Variants in MAGI3 observed in about 807,000 individuals in gnomAD.
MAGI3 encodes the protein membrane associated guanylate kinase, WW and PDZ domain containing 3.
In MAGI3, 43 loss-of-function variants were observed where a neutral mutation model predicts 121.8. The observed-to-expected ratio is 0.35, with a 90% CI of 0.28 to 0.46. The LOEUF (loss-of-function observed/expected upper bound fraction) is 0.46. Ranked by LOEUF, MAGI3 falls within the 20% of genes least tolerant of loss-of-function variation. MAGI3 has a pLI of 1.00. For synonymous variants in MAGI3, 553 were observed against 639.3 expected, an observed-to-expected ratio of 0.86 and a Z score of 2.04; for missense variants, 1,547 against 1,797.3, an observed-to-expected ratio of 0.86 and a Z score of 2.52.
intron 1 of MAGI3, among the ~76,000 whole-genome samples, chr1:113,511,336 A>T (rs1657604767): frequency 6.6e-6 from 1 of 152,264 alleles, no homozygotes; most frequent in East Asian, 1.9e-4. Context: ...AAACTAAGTT[A>T]AATAGCCCAA....
intron 1 of MAGI3, among the ~76,000 whole-genome samples, chr1:113,484,713 CTCCCTTCCCT>C (rs755365981): frequency 1.1e-4 from 2 of 17,694 alleles, no homozygotes; most frequent in African/African-American, 4.5e-4. Context: ...CTCCCCTCCC[CTCCCTTCCCT>C]TCCCTTCCCT....
chr1:113,544,340 G>A (rs1462775376), intron 1 of MAGI3, among the ~76,000 whole-genome samples: 1 of 152,174 alleles, frequency 6.6e-6, no homozygotes, highest in African/African-American at 2.4e-5. Flanking sequence ...TGGTTGTATT[G>A]AACAGTTTAT....
At chr1:113,486,693 C>G (rs1250292368) in intron 1 of MAGI3, among the ~76,000 whole-genome samples, 1 of 147,464 alleles carries the variant, frequency 6.8e-6, no homozygotes, top group Non-Finnish European at 1.5e-5. Context: ...GCGATTTCAC[C>G]CAATCTAGAG....
intron 1 of MAGI3, chr1:113,404,497 T>C (rs1362050169): frequency 6.6e-6 from 1 of 152,218 alleles, no homozygotes; most frequent in African/African-American, 2.4e-5. Flanking sequence ...TACAATTATC[T>C]ATGCTTTTGA....
intron 1 of MAGI3, among the ~76,000 whole-genome samples, chr1:113,511,976 A>G (rs74610786): frequency 0.023 from 3,572 of 152,304 alleles, 136 homozygotes; most frequent in African/African-American, 0.081. Flanking sequence ...ACTCCCTTAC[A>G]TAACCAAAGG....
intron 2 of MAGI3, among the ~76,000 whole-genome samples, chr1:113,551,862 T>C (rs1375773676): frequency 6.6e-6 from 1 of 152,120 alleles, no homozygotes; most frequent in Non-Finnish European, 1.5e-5. Flanking sequence ...GATACCTTTA[T>C]ATAATAATCT....
chr1:113,434,796 G>A (rs1213634217), intron 1 of MAGI3, among the ~76,000 whole-genome samples: 1 of 152,210 alleles, frequency 6.6e-6, no homozygotes, highest in Non-Finnish European at 1.5e-5. Flanking sequence ...AAACAGAACA[G>A]ATAAGGAAGG....
intron 1 of MAGI3, among the ~76,000 whole-genome samples, chr1:113,449,388 T>TGTGTGA (rs965305900): frequency 1.3e-5 from 2 of 151,140 alleles, no homozygotes; most frequent in African/African-American, 2.4e-5. Flanking sequence ...TGTGTGTGTG[T>TGTGTGA]GACAGAGAGA....
chr1:113,546,972 A>G (rs1006299475), intron 1 of MAGI3, among the ~76,000 whole-genome samples: 1 of 151,428 alleles, frequency 6.6e-6, no homozygotes, highest in Non-Finnish European at 1.5e-5. Context: ...AGTCCCAACT[A>G]CTCGGGAGGC....
chr1:113,545,564 A>G (rs914490582), intron 1 of MAGI3, among the ~76,000 whole-genome samples: 2 of 152,232 alleles, frequency 1.3e-5, no homozygotes, highest in African/African-American at 4.8e-5. Context: ...GGTTCCTCAC[A>G]GAGAACTGGT....
intron 5 of MAGI3, 115 bp downstream of exon 5, chr1:113,590,773 T>C: frequency 2.1e-6 from 2 of 951,968 alleles, no homozygotes; most frequent in Non-Finnish European, 3.0e-6. Flanking sequence ...TTTTTTTTCT[T>C]TCTTTAAAAA....
chr1:113,635,461 T>G (rs892880844), intron 9 of MAGI3, among the ~76,000 whole-genome samples: 1 of 152,216 alleles, frequency 6.6e-6, no homozygotes, highest in Non-Finnish European at 1.5e-5. Context: ...GTCAAAGGCC[T>G]TTTCTGCATC....
intron 1 of MAGI3, among the ~76,000 whole-genome samples, chr1:113,430,133 G>A (rs1172176240): frequency 6.6e-6 from 1 of 151,794 alleles, no homozygotes; most frequent in Non-Finnish European, 1.5e-5. Flanking sequence ...TAGAAGTAAG[G>A]GGAAAAAAAG....
At chr1:113,578,890 T>C (rs915058204) in intron 2 of MAGI3, among the ~76,000 whole-genome samples, 3 of 152,202 alleles carry the variant, frequency 2.0e-5, no homozygotes, top group African/African-American at 7.2e-5. Flanking sequence ...ATATAGTCTT[T>C]GTTGCACAGA....
At chr1:113,581,448 C>G (rs1310525939) in intron 3 of MAGI3, among the ~76,000 whole-genome samples, 1 of 152,128 alleles carries the variant, frequency 6.6e-6, no homozygotes, top group Non-Finnish European at 1.5e-5. Context: ...CATCATTTCT[C>G]TCTTTAGCAG....
chr1:113,503,309 G>GAAAA (rs59331456), intron 1 of MAGI3, among the ~76,000 whole-genome samples: 2 of 36,128 alleles, frequency 5.5e-5, no homozygotes, highest in Non-Finnish European at 9.8e-5. Context: ...CCTGTCTCAG[G>GAAAA]AAAAAAAAAA....
At chr1:113,401,098 A>G (rs1359310532) in intron 1 of MAGI3, among the ~76,000 whole-genome samples, 1 of 152,162 alleles carries the variant, frequency 6.6e-6, no homozygotes, top group Non-Finnish European at 1.5e-5. Context: ...TGAGTCAGAT[A>G]TTATCATCTT....
chr1:113,448,108 A>G (rs932394094), intron 1 of MAGI3, among the ~76,000 whole-genome samples: 2 of 152,206 alleles, frequency 1.3e-5, no homozygotes, highest in African/African-American at 4.8e-5. Flanking sequence ...CCCGTCTTAG[A>G]GCCAAGAAGC....
At chr1:113,598,073 A>G (rs1649128442) in intron 6 of MAGI3, among the ~76,000 whole-genome samples, 1 of 152,038 alleles carries the variant, frequency 6.6e-6, no homozygotes, top group Admixed American at 6.6e-5. Flanking sequence ...TTAGCCAGAC[A>G]TGGTGGTGGG....
Sources: allele counts gnomAD v4.1 joint callset (sites outside exome capture counted in the v4.1 genomes callset), GRCh38; gene constraint gnomAD v4.1.1; transcripts MANE v1.5; gene names NCBI Gene and HGNC (gene_info 2026-07-23, HGNC 2026-07-21).